Variants in TNRC6A observed in about 807,000 individuals in gnomAD.
TNRC6A encodes trinucleotide repeat-containing gene 6A protein.
In TNRC6A, 44 loss-of-function variants were observed where a neutral mutation model predicts 221.2. That is an observed-to-expected ratio of 0.20 (90% confidence interval 0.16 to 0.26). The LOEUF is 0.26. Among genes scored for constraint, TNRC6A ranks in the 10% least tolerant of loss-of-function variants. TNRC6A has a pLI of 1.00. For synonymous variants in TNRC6A, 847 were observed against 838.5 expected, an observed-to-expected ratio of 1.01 and a Z score of -0.18; for missense variants, 2,199 against 2,404.4, an observed-to-expected ratio of 0.91 and a Z score of 1.79.
chr16:24,766,645 C>A lies in TNRC6A; in HGVS notation c.163+8285C>A, dbSNP rs563279510. 7.3e-5 allele frequency among the ~76,000 whole-genome samples: 11 copies of A among 150,456 alleles called. No individual in the cohort carries two copies. The South Asian group carries it at 2.3e-3, about 32-fold the overall frequency. On this transcript the variant is annotated intron_variant, in intron 4 of 24. Coordinates refer to ENST00000395799, the MANE Select transcript of TNRC6A (RefSeq NM_014494.4). ...GACTTGTATTTATTTGTTTGCCATG[C>A]ATAATCACTTGTACTTTTTTCTTTT...
chr16:24,610,786 C>A (rs1393162980), intron 1 of TNRC6A, among the ~76,000 whole-genome samples: 1 of 151,980 alleles, frequency 6.6e-6, no homozygotes, highest in East Asian at 1.9e-4. Context: ...CTCACCTTCC[C>A]CCTTTCCACC....
intron 1 of TNRC6A, among the ~76,000 whole-genome samples, chr16:24,622,565 G>A (rs1029053473): frequency 6.6e-6 from 1 of 152,192 alleles, no homozygotes; most frequent in African/African-American, 2.4e-5. Flanking sequence ...CTGCACTCCA[G>A]CCTGGGTGAC....
chr16:24,790,864 G>A lies in TNRC6A; in HGVS notation c.2222G>A (p.Arg741Lys). 6.2e-7 allele frequency: 1 copy of A among 1,614,106 alleles called. No individual in the cohort carries two copies. The highest frequency in any genetic ancestry group is 1.7e-5 in the Admixed American group (1 of 60,012). Residue 741 changes from arginine to lysine, a missense_variant, in exon 6 of 25, where the codon AGA becomes AAA. Arg to Lys is a conservative substitution (Grantham distance 26). This residue lies in a region of TNRC6A where 1,405 missense variants were observed against 1,400.2 expected (regional missense o/e 1.00). Transcript: ENST00000395799. ...GCCTGGGATACAGAAACATCACCTA[G>A]AGGGGAACGAAAGACTGACAATGGG... Reference protein sequence around the residue: ...NTAWDTETSPRGERKTDNGTE... With the variant: ...NTAWDTETSPKGERKTDNGTE...
intron 21 of TNRC6A, chr16:24,819,861 TTTTCC>T: frequency 2.3e-6 from 1 of 430,086 alleles, no homozygotes; most frequent in Non-Finnish European, 4.1e-6. Context: ...ATTCAGATTG[TTTTCC>T]ATTTCAGTTT....
At chr16:24,794,414 AGGAAG>A (rs2058175660) in intron 7 of TNRC6A, 125 bp from the exon 8 acceptor site, 1 of 819,234 alleles carries the variant, frequency 1.2e-6, no homozygotes, top group Admixed American at 3.2e-5. Flanking sequence ...GTGCAGATGC[AGGAAG>A]GGAAATAAGT....
intron 1 of TNRC6A, among the ~76,000 whole-genome samples, chr16:24,618,557 G>C (rs934118455): frequency 1.3e-5 from 2 of 150,900 alleles, no homozygotes; most frequent in Non-Finnish European, 2.9e-5. Flanking sequence ...TACACAAGAT[G>C]ATCTATTAGG....
At chr16:24,812,702 A>C (rs576102296) in intron 18 of TNRC6A, among the ~76,000 whole-genome samples, 1 of 152,230 alleles carries the variant, frequency 6.6e-6, no homozygotes, top group African/African-American at 2.4e-5. Flanking sequence ...GGGCTCTACC[A>C]TCTAGGTTTG....
intron 2 of TNRC6A, among the ~76,000 whole-genome samples, chr16:24,720,840 C>T (rs1165890994): frequency 6.6e-6 from 1 of 150,922 alleles, no homozygotes; most frequent in Non-Finnish European, 1.5e-5. Context: ...TCGAGACCAT[C>T]CTAGCTAACA....
upstream of TNRC6A, among the ~76,000 whole-genome samples, chr16:24,726,016 A>T (rs538156289): frequency 2.0e-5 from 3 of 151,920 alleles, no homozygotes; most frequent in East Asian, 5.8e-4. Context: ...AAAAAAAACA[A>T]ATCTGTCTGC....
At chr16:24,744,225 A>G (rs1407739016) in intron 2 of TNRC6A, among the ~76,000 whole-genome samples, 1 of 152,200 alleles carries the variant, frequency 6.6e-6, no homozygotes, top group Non-Finnish European at 1.5e-5. Flanking sequence ...GATGCCTGAT[A>G]TCCTTTTATC....
At chr16:24,731,388 A>G (rs973385417) in intron 2 of TNRC6A, among the ~76,000 whole-genome samples, 1 of 152,192 alleles carries the variant, frequency 6.6e-6, no homozygotes. Context: ...GTTTCATAAG[A>G]TACTAATCTG....
At chr16:24,683,090 C>A (rs180875895) in intron 2 of TNRC6A, among the ~76,000 whole-genome samples, 12 of 152,074 alleles carry the variant, frequency 7.9e-5, no homozygotes, top group African/African-American at 2.4e-4. Context: ...GCAAGGAGAC[C>A]CCATGACGAG....
chr16:24,731,441 G>T (rs1466111880), intron 2 of TNRC6A, among the ~76,000 whole-genome samples: 1 of 152,126 alleles, frequency 6.6e-6, no homozygotes, highest in East Asian at 1.9e-4. Context: ...GTGAAGGATA[G>T]GCATCATTGG....
In TNRC6A at chr16:24,823,351, C is replaced by G; in HGVS notation, c.5514-81C>G. The stretch of plus-strand genomic sequence containing the variant: ...CCTTCTGTGGCTTTTCTAGCAGAGA[C>G]AAGTTGCACCCTCACTTGTGAGTGA... On this transcript the variant is annotated intron_variant, in intron 24 of 24. Coordinates refer to ENST00000395799, the MANE Select transcript of TNRC6A (RefSeq NM_014494.4). This position sits in a 1 kb window ranked among gnomAD's most constrained non-coding sequence, Gnocchi z 4.3. 1 of 1,506,990 alleles carries G rather than the reference C, an allele frequency of 6.6e-7. No homozygotes were observed. The highest frequency in any genetic ancestry group is 2.0e-5 in the Admixed American group (1 of 49,018). 93.4% of individuals were successfully genotyped at this position (1,506,990 alleles called of 1,614,324 possible). A position where few individuals can be genotyped will look rare whatever the true frequency, so the allele number is the denominator to read the frequency against.
Position 24,729,864 on chromosome 16 carries a change from C to T in TNRC6A, c.5+18C>T. ...CACATGAGGTGAGCGGAACAAGGGC[C>T]TCCCTCCGGGCGGGAGGAGCCGCGG... On this transcript the variant is annotated intron_variant, in intron 1 of 24. Transcript: ENST00000395799. 1 of 1,292,136 alleles carries T rather than the reference C, an allele frequency of 7.7e-7. No homozygotes were observed. Among genetic ancestry groups the T allele is most frequent in the Non-Finnish European group, 9.9e-7 (1 of 1,009,434 alleles). The allele number at this position is 1,292,136 out of a possible 1,614,324, so 80.0% of individuals were successfully genotyped here. A position where few individuals can be genotyped will look rare whatever the true frequency, so the allele number is the denominator to read the frequency against.
Position 24,789,833 on chromosome 16 carries a change from T to A in TNRC6A, c.1191T>A (p.Thr397=), listed in dbSNP as rs760837190. ...CTGGCATTAATATTCAGTGCAGTAC[T>A]ATAGGCCAGATGCCTAACAATCAGA... ...GSSGINIQCS[T]IGQMPNNQSI... Residue 397 remains threonine (T), a synonymous_variant, in exon 6 of 25, where the codon ACT becomes ACA. Transcript: ENST00000395799. The A allele has an allele frequency of 5.0e-6, 8 of 1,614,190 alleles. No individual in the cohort carries two copies. The highest frequency in any genetic ancestry group is 5.9e-6 in the Non-Finnish European group (7 of 1,180,034).
chr16:24,645,865 A>AAAAAAAAAAAT (rs1902258710), intron 2 of TNRC6A, among the ~76,000 whole-genome samples: 2 of 145,116 alleles, frequency 1.4e-5, no homozygotes, highest in Admixed American at 6.9e-5. Flanking sequence ...AAAAAAAAAA[A>AAAAAAAAAAAT]AATTAGCAGG....
At chr16:24,669,941 C>CTTTTTTTTGTTTTTTTT (rs2055256999) in intron 2 of TNRC6A, among the ~76,000 whole-genome samples, 1 of 27,162 alleles carries the variant, frequency 3.7e-5, no homozygotes, top group Admixed American at 6.8e-4. Context: ...GAGGCAGCTA[C>CTTTTTTTTGTTTTTTTT]TTTTTTTTTT....
Position 24,640,898 on chromosome 16 carries a change from G to A in TNRC6A, n.291G>A, listed in dbSNP as rs578190353. The A allele has an allele frequency of 2.6e-5, 4 of 152,186 alleles. No individual in the cohort carries two copies. The East Asian group carries it at 7.7e-4, about 29-fold the overall frequency. 9.4% of individuals were successfully genotyped at this position (152,186 alleles called of 1,614,324 possible). A position where few individuals can be genotyped will look rare whatever the true frequency, so the allele number is the denominator to read the frequency against. ...TCCTTTCTCAGGTGTGAAAACTGAG[G>A]CCCGGAGAGGTGATGTGATTTGCCT... On this transcript the variant is annotated non_coding_transcript_exon_variant, in exon 2 of 3. Transcript: ENST00000566108.
Sources: gnomAD v4.1 joint callset for allele counts (sites outside exome capture counted in the v4.1 genomes callset) on GRCh38, gnomAD v4.1.1 for gene constraint, gnomAD v4.1.1 regional missense constraint, Gnocchi (gnomAD v3.1) non-coding constraint, MANE v1.5 for transcripts, NCBI Gene and HGNC (gene_info 2026-07-23, HGNC 2026-07-21) for gene names.